ZNF470: variants seen among roughly 807,000 people sequenced by gnomAD.
ZNF470 encodes zinc finger protein 470, also known as chondrogenesis zinc finger protein 1.
In ZNF470, 13 loss-of-function variants were observed where a neutral mutation model predicts 13.9. The ratio of observed to expected loss-of-function variants is 0.94; its 90% CI spans 0.61 to 1.49. ZNF470 has a LOEUF of 1.49. Ranked by LOEUF, ZNF470 falls within the 40% of genes most tolerant of loss-of-function variation. The pLI is 0.00. For synonymous variants in ZNF470, 293 were observed against 282.9 expected (o/e 1.04, Z -0.36); for missense variants, 929 against 857.3 (o/e 1.08, Z -1.04).
At chr19:56,570,394 C>G in intron 3 of ZNF470, 23 bp downstream of exon 3, 1 of 1,611,908 alleles carries the variant, frequency 6.2e-7, no homozygotes, top group African/African-American at 1.3e-5. Flanking sequence ...TCCCCCTCTC[C>G]CCACTAAAAT....
In ZNF470 at chr19:56,567,803, CTT is replaced by C; in HGVS notation, c.-392_-391del. On this transcript the variant is annotated 5_prime_UTR_variant, in exon 1 of 6. It removes the in-frame stop codon of an upstream open reading frame in the 5' UTR. Coordinates refer to ENST00000330619, the MANE Select transcript of ZNF470 (RefSeq NM_001001668.4). ...GGTGTGTGTTGGAATGAGTGAAGCA[CTT>C]TAAGTGGCCAAGAGCAGGAAACCCG... 1 of 986,814 alleles carries C rather than the reference CTT, an allele frequency of 1.0e-6. No individual in the cohort carries two copies. Among genetic ancestry groups the C allele is most frequent in the Non-Finnish European group, 1.2e-6 (1 of 831,070 alleles). The allele number at this position is 986,814 out of a possible 1,614,324, so 61.1% of individuals were successfully genotyped here.
Position 56,567,735 on chromosome 19 carries a change from C to G in ZNF470, c.-462C>G. ...TGTGTGACTGTCCGGTGCGTGGCCG[C>G]GAATCTGCGCCTGCGTGCATGGCCC... On this transcript the variant is annotated 5_prime_UTR_variant, in exon 1 of 6. Transcript: ENST00000330619. 2 of 987,944 alleles carry G rather than the reference C, an allele frequency of 2.0e-6. No homozygotes were observed. Among genetic ancestry groups the G allele is most frequent in the Non-Finnish European group, 2.4e-6 (2 of 831,942 alleles). 61.2% of individuals were successfully genotyped at this position (987,944 alleles called of 1,614,324 possible). A position where few individuals can be genotyped will look rare whatever the true frequency, so the allele number is the denominator to read the frequency against.
Position 56,578,741 on chromosome 19 carries a change from C to T in ZNF470, c.*158C>T, listed in dbSNP as rs1317071071. The T allele has an allele frequency of 2.6e-5, 32 of 1,254,226 alleles. No homozygotes were observed. Among genetic ancestry groups the T allele is most frequent in the Non-Finnish European group, 3.2e-5 (32 of 997,570 alleles). The allele number at this position is 1,254,226 out of a possible 1,614,324, so 77.7% of individuals were successfully genotyped here. A position where few individuals can be genotyped will look rare whatever the true frequency, so the allele number is the denominator to read the frequency against. On this transcript the variant is annotated 3_prime_UTR_variant, in exon 6 of 6. Coordinates refer to ENST00000330619, the MANE Select transcript of ZNF470 (RefSeq NM_001001668.4). ...ACTACATGTTTAACACTGTAGGCAG[C>T]CTAACCTTTTAAAAATAAAAATACA...
rs890354561 is a variant in ZNF470, at chr19:56,580,147, C to G, written c.*1564C>G. 2.0e-6 allele frequency: 2 copies of G among 984,642 alleles called. No homozygotes were observed. The highest frequency in any genetic ancestry group is 1.7e-5 in the African/African-American group (1 of 57,154). The allele number at this position is 984,642 out of a possible 1,614,324, so 61.0% of individuals were successfully genotyped here. On this transcript the variant is annotated 3_prime_UTR_variant, in exon 6 of 6. Transcript: ENST00000330619. ...GCTGGATCAGGCACCTTACTATCCC[C>G]AGAACATGTTGGTATTAGAGGATGA...
Position 56,581,382 on chromosome 19 carries a change from A to T in ZNF470, c.*2799A>T. The T allele has an allele frequency of 8.3e-6, 8 of 958,840 alleles. No individual in the cohort carries two copies. The highest frequency in any genetic ancestry group is 9.9e-6 in the Non-Finnish European group (8 of 805,628). 59.4% of individuals were successfully genotyped at this position (958,840 alleles called of 1,614,324 possible). ...ACAAGGGAATTCCATTGTTGATTAC[A>T]TATCTATTGCTTTATGTATATACCC... On this transcript the variant is annotated 3_prime_UTR_variant, in exon 6 of 6. Transcript: ENST00000330619.
Position 56,581,407 on chromosome 19 carries a change from C to G in ZNF470, c.*2824C>G. ...ATATCTATTGCTTTATGTATATACC[C>G]TTTGAATTAATATTCCTTGGAAACC... On this transcript the variant is annotated 3_prime_UTR_variant, in exon 6 of 6. Coordinates refer to ENST00000330619, the MANE Select transcript of ZNF470 (RefSeq NM_001001668.4). 1.0e-6 allele frequency: 1 copy of G among 969,060 alleles called. No individual in the cohort carries two copies. Among genetic ancestry groups the G allele is most frequent in the Non-Finnish European group, 1.2e-6 (1 of 815,132 alleles). The allele number at this position is 969,060 out of a possible 1,614,324, so 60.0% of individuals were successfully genotyped here. A position where few individuals can be genotyped will look rare whatever the true frequency, so the allele number is the denominator to read the frequency against.
At position 56,579,354 on chromosome 19, in the gene ZNF470, A is replaced by G. The variant is rs2044518171; in HGVS notation, c.*771A>G. On this transcript the variant is annotated 3_prime_UTR_variant, in exon 6 of 6. Transcript: ENST00000330619. ...GGAGGATTGCTTGAGCCCAGGAGGT[A>G]GAGGTTGCAGTGAGTCATGATCACA... 1.3e-6 allele frequency: 1 copy of G among 779,446 alleles called. No individual in the cohort carries two copies. The highest frequency in any genetic ancestry group is 1.6e-6 in the Non-Finnish European group (1 of 642,108). The allele number at this position is 779,446 out of a possible 1,614,324, so 48.3% of individuals were successfully genotyped here.
chr19:56,574,440 A>C lies in ZNF470; in HGVS notation c.107A>C (p.Glu36Ala). Residue 36 changes from glutamate (E) to alanine (A), a missense_variant, in exon 4 of 6, where the codon GAA (glutamate) becomes GCA (alanine). Glu to Ala is a moderately radical substitution (Grantham distance 107). Coordinates refer to ENST00000330619, the MANE Select transcript of ZNF470 (RefSeq NM_001001668.4). ...TDVAIDFSQDEWEWLNLAQRS... is the reference protein window; with the variant it reads ...TDVAIDFSQDAWEWLNLAQRS... ...GTGGCCATAGACTTTTCCCAAGATGAATGGGAGTGGCTGAATCTTGCTCAG... is the reference window on the plus strand; with the variant it reads ...GTGGCCATAGACTTTTCCCAAGATGCATGGGAGTGGCTGAATCTTGCTCAG... The C allele has an allele frequency of 6.2e-7, 1 of 1,613,860 alleles. No individual in the cohort carries two copies. The highest frequency in any genetic ancestry group is 8.5e-7 in the Non-Finnish European group (1 of 1,179,778).
At chr19:56,573,191 C>T (rs12104204) in intron 3 of ZNF470, among the ~76,000 whole-genome samples, 65,182 of 152,018 alleles carry the variant, frequency 0.43, 15,313 homozygotes, top group African/African-American at 0.64. Flanking sequence ...TCTTGGCCTT[C>T]TCTTCTTCTC....
chr19:56,574,976 A>C (rs2044479312), intron 5 of ZNF470, among the ~76,000 whole-genome samples: 1 of 152,146 alleles, frequency 6.6e-6, no homozygotes, highest in African/African-American at 2.4e-5. Flanking sequence ...AATTCTACTC[A>C]AGCACCATAT....
In ZNF470 at chr19:56,581,576, AT is replaced by A; in HGVS notation, c.*2994del. On this transcript the variant is annotated 3_prime_UTR_variant, in exon 6 of 6. Coordinates refer to ENST00000330619, the MANE Select transcript of ZNF470 (RefSeq NM_001001668.4). ...GGAATTATGCAGCTGTTGAAAAAAA[AT>A]CAATGTGTGTAGTCATAGAAAGATA... The A allele has an allele frequency of 3.7e-6, 3 of 805,430 alleles. No individual in the cohort carries two copies. The highest frequency in any genetic ancestry group is 6.4e-4 in the Middle Eastern group (1 of 1,552). The allele number at this position is 805,430 out of a possible 1,614,324, so 49.9% of individuals were successfully genotyped here. A position where few individuals can be genotyped will look rare whatever the true frequency, so the allele number is the denominator to read the frequency against.
At position 56,576,784 on chromosome 19, in the gene ZNF470, G is replaced by A. The variant is rs538394690; in HGVS notation, c.355G>A (p.Ala119Thr). 453 of 1,546,560 alleles carry A rather than the reference G, an allele frequency of 2.9e-4. 5 individuals carry two copies. The South Asian group carries it at 5.5e-3, about 19-fold the overall frequency. Residue 119 changes from alanine to threonine, a missense_variant, in exon 6 of 6, where the codon GCA (alanine) becomes ACA (threonine). Transcript: ENST00000330619. ...QDIYEEKLPP[A>T]IIMERLKSYD... The stretch of plus-strand genomic sequence containing the variant: ...TATTTATGAAGAAAAATTACCCCCG[G>A]CAATCATAATGGAAAGACTTAAAAG...
Position 56,567,835 on chromosome 19 carries a change from G to A in ZNF470, c.-362G>A, listed in dbSNP as rs1378816451. 1.6e-5 allele frequency: 16 copies of A among 986,264 alleles called. No individual in the cohort carries two copies. The highest frequency in any genetic ancestry group is 4.7e-5 in the South Asian group (1 of 21,316). The allele number at this position is 986,264 out of a possible 1,614,324, so 61.1% of individuals were successfully genotyped here. On this transcript the variant is annotated 5_prime_UTR_variant, in exon 1 of 6. Coordinates refer to ENST00000330619, the MANE Select transcript of ZNF470 (RefSeq NM_001001668.4). ...TGGCCAAGAGCAGGAAACCCGGCCG[G>A]AGGAGGCTTACCCCGTTCTCCCCTG...
rs2044530042 is a variant in ZNF470, at chr19:56,580,821, T to A, written c.*2238T>A. On this transcript the variant is annotated 3_prime_UTR_variant, in exon 6 of 6. Coordinates refer to ENST00000330619, the MANE Select transcript of ZNF470 (RefSeq NM_001001668.4). The stretch of plus-strand genomic sequence containing the variant: ...GTGGAGCTTTCAGACTCTCCTTATA[T>A]ATGATAAAAAGGATTTTTCATTGTA... The A allele has an allele frequency of 1.0e-6, 1 of 984,188 alleles. No homozygotes were observed. The highest frequency in any genetic ancestry group is 1.7e-5 in the African/African-American group (1 of 57,164). The allele number at this position is 984,188 out of a possible 1,614,324, so 61.0% of individuals were successfully genotyped here.
chr19:56,568,117 T>C lies in ZNF470; in HGVS notation c.-159+79T>C, dbSNP rs143710848. ...GTGCTGTCTTTCGGGGTTCAGGTGC[T>C]GGAGGAGGATGTCCCCCGTTTCTAA... is the stretch of plus-strand genomic sequence containing the variant. On this transcript the variant is annotated intron_variant, in intron 1 of 5. Coordinates refer to ENST00000330619, the MANE Select transcript of ZNF470 (RefSeq NM_001001668.4). 9.6e-4 allele frequency: 947 copies of C among 985,902 alleles called. 10 individuals carry two copies. The African/African-American group carries it at 0.014, about 14-fold the overall frequency. The allele number at this position is 985,902 out of a possible 1,614,324, so 61.1% of individuals were successfully genotyped here.
At chr19:56,573,207 G>GT (rs1462521954) in intron 3 of ZNF470, among the ~76,000 whole-genome samples, 2 of 152,122 alleles carry the variant, frequency 1.3e-5, no homozygotes, top group South Asian at 2.1e-4. Flanking sequence ...TTCTCTCTCT[G>GT]TTTTTTCCCT....
Position 56,577,586 on chromosome 19 carries a change from A to G in ZNF470, c.1157A>G (p.His386Arg), listed in dbSNP as rs768645945. The G allele has an allele frequency of 8.7e-6, 14 of 1,614,038 alleles. No homozygotes were observed. Among genetic ancestry groups the G allele is most frequent in the South Asian group, 1.1e-5 (1 of 91,090 alleles). The change falls in exon 6 of 6, where the codon CAT becomes CGT. Residue 386 changes from histidine (H) to arginine (R), a missense_variant. Physicochemically the swap from His to Arg is conservative, Grantham distance 29. Transcript: ENST00000330619. ...AGGCAGAATGCTTCTCTTATACGTC[A>G]TCGGCGATATTATCATACTGGAGAG... ...AFRQNASLIR[H>R]RRYYHTGEKP...
Position 56,577,237 on chromosome 19 carries a change from C to T in ZNF470, c.808C>T (p.His270Tyr), listed in dbSNP as rs1313659870. 4 of 1,611,296 alleles carry T rather than the reference C, an allele frequency of 2.5e-6. No individual in the cohort carries two copies. The highest frequency in any genetic ancestry group is 1.3e-5 in the African/African-American group (1 of 74,790). ...ECGKAFSQSAHLAQHQRIHTG... is the reference protein window; with the variant it reads ...ECGKAFSQSAYLAQHQRIHTG... ...TGGAAAGGCCTTTAGCCAGAGTGCC[C>T]ACCTTGCTCAACATCAGAGAATACA... Residue 270 changes from histidine (H) to tyrosine (Y), a missense_variant, in exon 6 of 6, where the codon CAC (histidine) becomes TAC (tyrosine). Coordinates refer to ENST00000330619, the MANE Select transcript of ZNF470 (RefSeq NM_001001668.4).
rs1266845950 is a variant in ZNF470, at chr19:56,578,322, C to T, written c.1893C>T (p.Ser631=). The T allele has an allele frequency of 1.2e-6, 2 of 1,612,716 alleles. No individual in the cohort carries two copies. Among genetic ancestry groups the T allele is most frequent in the Non-Finnish European group, 1.7e-6 (2 of 1,179,392 alleles). Reference sequence around the variant, plus strand: ...GTAATGTTTGTGGGAAAGCCTTTAGCCATCGTAAATCCCTTACTCTGCATC... The same window carrying T: ...GTAATGTTTGTGGGAAAGCCTTTAGTCATCGTAAATCCCTTACTCTGCATC... ...YECNVCGKAF[S]HRKSLTLHQR... Residue 631 remains serine (S), a synonymous_variant, in exon 6 of 6, where the codon AGC becomes AGT. Transcript: ENST00000330619.
Sources: gnomAD v4.1 joint callset for allele counts (sites outside exome capture counted in the v4.1 genomes callset) on GRCh38, gnomAD v4.1.1 for gene constraint, MANE v1.5 for transcripts, NCBI Gene and HGNC (gene_info 2026-07-23, HGNC 2026-07-21) for gene names.